Variants in PAPOLG observed in about 807,000 individuals in gnomAD.
PAPOLG encodes the protein PAP-gamma.
PAPOLG carries 40 observed loss-of-function variants against 99.0 expected under a neutral mutation model. The observed-to-expected ratio is 0.40, with a 90% CI of 0.31 to 0.53. The LOEUF (loss-of-function observed/expected upper bound fraction) is 0.53. PAPOLG is among the 20% of genes least tolerant of loss of function. PAPOLG has a pLI of 0.41. For missense variants in PAPOLG, 675 were observed against 884.1 expected (o/e 0.76, Z 3.00); for synonymous variants, 310 against 299.3 (o/e 1.04, Z -0.37).
intron 13 of PAPOLG, among the ~76,000 whole-genome samples, chr2:60,785,082 G>A (rs1033334698): frequency 3.3e-5 from 5 of 152,116 alleles, no homozygotes; most frequent in African/African-American, 9.7e-5. Context: ...GCAGAAATCC[G>A]ATGAGACTTG....
Position 60,768,842 on chromosome 2 carries a change from G to C in PAPOLG, c.390G>C (p.Gln130His). Residue 130 changes from glutamine to histidine, a missense_variant, in exon 5 of 22, where the codon CAG (glutamine) becomes CAC (histidine). Gln to His is a conservative substitution (Grantham distance 24). Coordinates refer to ENST00000238714, the MANE Select transcript of PAPOLG (RefSeq NM_022894.4). ...PRHVERSDFF[Q>H]SFFEKLKHQD... Reference sequence around the variant, plus strand: ...ATGTGGAAAGATCTGATTTTTTTCAGTCTTTTTTTGAAAAATTGAAACATC... The same window carrying C: ...ATGTGGAAAGATCTGATTTTTTTCACTCTTTTTTTGAAAAATTGAAACATC... 1 of 1,602,040 alleles carries C rather than the reference G, an allele frequency of 6.2e-7. No individual in the cohort carries two copies. The highest frequency in any genetic ancestry group is 8.5e-7 in the Non-Finnish European group (1 of 1,173,308).
intron 8 of PAPOLG, among the ~76,000 whole-genome samples, chr2:60,776,489 G>A (rs904415715): frequency 1.4e-5 from 2 of 145,986 alleles, no homozygotes; most frequent in Non-Finnish European, 3.0e-5. Context: ...GTGCAGTGGC[G>A]CGATCTCAGC....
chr2:60,786,847 C>T, intron 13 of PAPOLG, 100 bp from the exon 14 acceptor site: 1 of 1,413,816 alleles, frequency 7.1e-7, no homozygotes, highest in Non-Finnish European at 9.5e-7. Context: ...TTTTAATGAA[C>T]ATGTAAAGCT....
At chr2:60,766,856 C>G (rs949724976) in intron 3 of PAPOLG, among the ~76,000 whole-genome samples, 6 of 152,096 alleles carry the variant, frequency 3.9e-5, no homozygotes, top group Admixed American at 3.3e-4. Flanking sequence ...CAAGAAAGAT[C>G]CCTAGGAACA....
intron 7 of PAPOLG, among the ~76,000 whole-genome samples, chr2:60,774,622 T>C (rs1042742919): frequency 6.6e-6 from 1 of 152,180 alleles, no homozygotes; most frequent in African/African-American, 2.4e-5. Flanking sequence ...CACCTCAGCC[T>C]ACCAAAGGGC....
At position 60,794,154 on chromosome 2, in the gene PAPOLG, T is replaced by C. The variant is rs954285093; in HGVS notation, c.1952T>C (p.Ile651Thr). 6.2e-7 allele frequency: 1 copy of C among 1,613,164 alleles called. No individual in the cohort carries two copies. The highest frequency in any genetic ancestry group is 2.2e-5 in the East Asian group (1 of 44,886). The change falls in exon 19 of 22, where the codon ATA (isoleucine) becomes ACA (threonine). Residue 651 changes from isoleucine (I) to threonine (T), a missense_variant. By Grantham distance (89) the Ile-to-Thr change is moderately conservative (BLOSUM62 -1). This residue lies in a region of PAPOLG where 413 missense variants were observed against 460.5 expected (regional missense o/e 0.90). Coordinates refer to ENST00000238714, the MANE Select transcript of PAPOLG (RefSeq NM_022894.4). The stretch of plus-strand genomic sequence containing the variant: ...CCTAAGAGATCCCATTCCCCATCCA[T>C]AGATGGGACTCCTAAGAGGTTGAAA... ...VTPKRSHSPSIDGTPKRLKDV... is the reference protein window; with the variant it reads ...VTPKRSHSPSTDGTPKRLKDV...
At chr2:60,758,720 C>A (rs953986404) in intron 1 of PAPOLG, among the ~76,000 whole-genome samples, 1 of 152,090 alleles carries the variant, frequency 6.6e-6, no homozygotes, top group Non-Finnish European at 1.5e-5. Flanking sequence ...TGAGGCACCA[C>A]GCCCGGCCTC....
chr2:60,782,979 A>C (rs1250684041), intron 12 of PAPOLG, 177 bp from the exon 13 acceptor site: 1 of 492,614 alleles, frequency 2.0e-6, no homozygotes, highest in African/African-American at 2.1e-5. Context: ...ATTGTTTTTT[A>C]CTTGTAGGAC....
At position 60,795,366 on chromosome 2, in the gene PAPOLG, T is replaced by G. The variant is rs796917380; in HGVS notation, c.2112+346T>G. 34 of 455,852 alleles carry G rather than the reference T, an allele frequency of 7.5e-5. 2 individuals are homozygous for G. Among genetic ancestry groups the G allele is most frequent in the African/African-American group, 6.2e-4 (31 of 50,096 alleles). The allele number at this position is 455,852 out of a possible 1,614,324, so 28.2% of individuals were successfully genotyped here. A position where few individuals can be genotyped will look rare whatever the true frequency, so the allele number is the denominator to read the frequency against. On this transcript the variant is annotated intron_variant, in intron 21 of 21. Coordinates refer to ENST00000238714, the MANE Select transcript of PAPOLG (RefSeq NM_022894.4). ...ATCTCTGTTGTGTACTATTGCTTAC[T>G]GCCAAAACATAGGTTTGATAATTAG...
intron 8 of PAPOLG, among the ~76,000 whole-genome samples, chr2:60,775,568 A>G (rs550903145): frequency 1.4e-4 from 22 of 152,288 alleles, no homozygotes; most frequent in African/African-American, 5.3e-4. Context: ...TAGTTTATAT[A>G]TATAGTTTAT....
chr2:60,759,295 G>C (rs994755328), intron 1 of PAPOLG, among the ~76,000 whole-genome samples: 7 of 151,976 alleles, frequency 4.6e-5, no homozygotes, highest in Non-Finnish European at 1.0e-4. Flanking sequence ...TTGAACCCAG[G>C]AGGCAGAGGT....
Position 60,787,523 on chromosome 2 carries a change from A to G in PAPOLG, c.1299A>G (p.Val433=), listed in dbSNP as rs752057460. The G allele has an allele frequency of 7.4e-6, 12 of 1,613,198 alleles. No individual in the cohort carries two copies. Among genetic ancestry groups the G allele is most frequent in the East Asian group, 4.5e-5 (2 of 44,884 alleles). ...NKEHHKDNNY[V]SMWFLGIIFR... is the part of the protein sequence containing the mutation. ...TTTTACTTTATAGCAACAATTACGT[A>G]TCAATGTGGTTCCTTGGGATAATTT... is the stretch of plus-strand genomic sequence containing the variant. Residue 433 remains valine, a synonymous_variant, in exon 15 of 22, where the codon GTA becomes GTG. Coordinates refer to ENST00000238714, the MANE Select transcript of PAPOLG (RefSeq NM_022894.4).
At chr2:60,789,356 AAATAAAT>A (rs1360550622) in intron 15 of PAPOLG, among the ~76,000 whole-genome samples, 2 of 151,132 alleles carry the variant, frequency 1.3e-5, no homozygotes, top group African/African-American at 4.8e-5. Flanking sequence ...GAAAATAAAT[AAATAAAT>A]AAAAAATAAA....
chr2:60,795,034 C>A lies in PAPOLG; in HGVS notation c.2112+14C>A. The stretch of plus-strand genomic sequence containing the variant: ...TCACGCAAAAAGGTAACAAGATAGT[C>A]TTGTTCATAGGTACAGTACATAGGT... On this transcript the variant is annotated intron_variant, in intron 21 of 21. Coordinates refer to ENST00000238714, the MANE Select transcript of PAPOLG (RefSeq NM_022894.4). 1 of 1,596,968 alleles carries A rather than the reference C, an allele frequency of 6.3e-7. No homozygotes were observed. The highest frequency in any genetic ancestry group is 8.6e-7 in the Non-Finnish European group (1 of 1,165,152).
In PAPOLG at chr2:60,768,571, C is replaced by A; in HGVS notation, c.328+20C>A. The A allele has an allele frequency of 6.5e-7, 1 of 1,549,602 alleles. No individual in the cohort carries two copies. Among genetic ancestry groups the A allele is most frequent in the Non-Finnish European group, 8.9e-7 (1 of 1,126,318 alleles). On this transcript the variant is annotated intron_variant, in intron 4 of 21. Transcript: ENST00000238714. ...CCAAAGGTAACTGCTTTTCTGTGTT[C>A]TAGTGCTAAGAACATTCAATAACAA...
chr2:60,791,193 A>G (rs1054762472), intron 15 of PAPOLG, among the ~76,000 whole-genome samples: 1 of 152,234 alleles, frequency 6.6e-6, no homozygotes, highest in African/African-American at 2.4e-5. Context: ...CGTTTTTTAA[A>G]TATATTTATT....
At chr2:60,762,849 A>T (rs2103760100) in intron 3 of PAPOLG, among the ~76,000 whole-genome samples, 1 of 151,444 alleles carries the variant, frequency 6.6e-6, no homozygotes, top group Middle Eastern at 3.4e-3. Context: ...CTGGTCTCGA[A>T]CTCCTGATCT....
Position 60,798,997 on chromosome 2 carries a change from C to T in PAPOLG, c.*1837C>T, listed in dbSNP as rs1671789844. 6.6e-6 allele frequency: 1 copy of T among 152,376 alleles called. No individual in the cohort carries two copies. The highest frequency in any genetic ancestry group is 1.5e-5 in the Non-Finnish European group (1 of 68,038). The allele number at this position is 152,376 out of a possible 1,614,324, so 9.4% of individuals were successfully genotyped here. The stretch of plus-strand genomic sequence containing the variant: ...GGCAAAGCTGTTGTCTTAGCTGACT[C>T]TTTCCCTTTATTCAGATGTTTTGGG... On this transcript the variant is annotated 3_prime_UTR_variant, in exon 22 of 22. Transcript: ENST00000238714.
intron 15 of PAPOLG, among the ~76,000 whole-genome samples, chr2:60,788,729 C>G (rs1410186912): frequency 6.6e-6 from 1 of 152,140 alleles, no homozygotes; most frequent in African/African-American, 2.4e-5. Flanking sequence ...CGGTGGCTCA[C>G]AAGTGCTTGT....
Sources: gnomAD v4.1 joint callset for allele counts (sites outside exome capture counted in the v4.1 genomes callset) on GRCh38, gnomAD v4.1.1 for gene constraint, gnomAD v4.1.1 regional missense constraint, MANE v1.5 for transcripts, NCBI Gene and HGNC (gene_info 2026-07-23, HGNC 2026-07-21) for gene names.